Variants in LRP1B observed in about 807,000 individuals in gnomAD.
LRP1B encodes the protein low-density lipoprotein receptor-related protein 1B.
Under a neutral mutation model 556.6 loss-of-function variants are expected in LRP1B, and 217 were observed. The observed-to-expected ratio is 0.39, with a 90% CI of 0.35 to 0.44. LRP1B has a LOEUF of 0.44. Ranked by LOEUF, LRP1B falls within the 20% of genes least tolerant of loss-of-function variation. LRP1B has a pLI of 1.00. For synonymous variants in LRP1B, 2,047 were observed against 1,865.8 expected, an observed-to-expected ratio of 1.10 and a Z score of -2.50; for missense variants, 5,053 against 5,620.8, an observed-to-expected ratio of 0.90 and a Z score of 3.23.
Position 141,229,195 on chromosome 2 carries a change from G to T in LRP1B, c.838C>A (p.Gln280Lys), listed in dbSNP as rs1244489690. The change falls in exon 6 of 91, where the codon CAA becomes AAA. Residue 280 changes from glutamine (Q) to lysine (K), a missense_variant. By Grantham distance (53) the Gln-to-Lys change is moderately conservative. This residue lies in a region of LRP1B where 3,619 missense variants were observed against 3,931.9 expected (regional missense o/e 0.92). Transcript: ENST00000389484. ...TTGAAACACTTACTGTGGAAGGATT[G>T]AAGAATATTGATTGTCCATTCATCT... ...LTDEWTINILQSFHNVQQMAI... is the reference protein window; with the variant it reads ...LTDEWTINILKSFHNVQQMAI... The T allele has an allele frequency of 6.2e-7, 1 of 1,612,986 alleles. No homozygotes were observed.
intron 3 of LRP1B, among the ~76,000 whole-genome samples, chr2:141,326,222 A>T (rs190938782): frequency 2.0e-5 from 3 of 152,258 alleles, no homozygotes; most frequent in Admixed American, 6.5e-5. Flanking sequence ...TATGATACAG[A>T]TAAGTTAATT....
intron 20 of LRP1B, among the ~76,000 whole-genome samples, chr2:140,931,921 T>C (rs1199565108): frequency 1.3e-5 from 2 of 152,160 alleles, no homozygotes. Flanking sequence ...TTAACAGATA[T>C]GTTAGTTATC....
At chr2:140,401,995 G>T (rs1188958821) in intron 66 of LRP1B, among the ~76,000 whole-genome samples, 1 of 152,166 alleles carries the variant, frequency 6.6e-6, no homozygotes, top group African/African-American at 2.4e-5. Flanking sequence ...ATCACAGCTT[G>T]TGCTGGTACC....
chr2:140,880,450 T>A (rs1160443756), intron 25 of LRP1B, among the ~76,000 whole-genome samples: 1 of 152,128 alleles, frequency 6.6e-6, no homozygotes, highest in Non-Finnish European at 1.5e-5. Flanking sequence ...ATTTACCATC[T>A]TGGAATAGTT....
intron 35 of LRP1B, among the ~76,000 whole-genome samples, chr2:140,740,381 G>A (rs181870086): frequency 6.1e-4 from 93 of 152,246 alleles, no homozygotes; most frequent in African/African-American, 2.2e-3. Context: ...GATGAGATTG[G>A]AGACTATTAT....
intron 59 of LRP1B, among the ~76,000 whole-genome samples, chr2:140,482,325 T>C (rs1688279345): frequency 6.6e-6 from 1 of 152,168 alleles, no homozygotes; most frequent in South Asian, 2.1e-4. Context: ...ACTTTAATGT[T>C]TATCATAATG....
intron 2 of LRP1B, among the ~76,000 whole-genome samples, chr2:141,538,967 T>C (rs1424291006): frequency 1.3e-5 from 2 of 152,192 alleles, no homozygotes; most frequent in Non-Finnish European, 2.9e-5. Context: ...GGACAATTGC[T>C]CTGGAAATAA....
intron 75 of LRP1B, 45 bp downstream of exon 75, chr2:140,356,297 T>A (rs1558825358): frequency 6.3e-7 from 1 of 1,598,362 alleles, no homozygotes; most frequent in Non-Finnish European, 8.6e-7. Context: ...GGAATCTTCA[T>A]AACCCAAAGA....
At chr2:140,459,788 A>G (rs1687243095) in intron 60 of LRP1B, among the ~76,000 whole-genome samples, 1 of 151,976 alleles carries the variant, frequency 6.6e-6, no homozygotes, top group Non-Finnish European at 1.5e-5. Flanking sequence ...AGGTGATTGG[A>G]TCATGGGGGC....
chr2:140,356,229 G>A (rs13017246), intron 75 of LRP1B, 113 bp downstream of exon 75: 400,517 of 1,092,146 alleles, frequency 0.37, 78,675 homozygotes, highest in Non-Finnish European at 0.41. Flanking sequence ...GTATCCCGTA[G>A]ATACACACCA....
intron 1 of LRP1B, among the ~76,000 whole-genome samples, chr2:142,048,569 TCA>T (rs1308322910): frequency 6.6e-6 from 1 of 152,096 alleles, no homozygotes; most frequent in East Asian, 1.9e-4. Context: ...AAATATTTTG[TCA>T]CAAAGATACA....
chr2:140,514,107 G>C (rs1035068030), intron 51 of LRP1B, among the ~76,000 whole-genome samples: 1 of 151,938 alleles, frequency 6.6e-6, no homozygotes, highest in Non-Finnish European at 1.5e-5. Context: ...GTTAAGTATA[G>C]ATACGTGACA....
At chr2:141,865,230 T>C (rs896258932) in intron 1 of LRP1B, among the ~76,000 whole-genome samples, 3 of 152,150 alleles carry the variant, frequency 2.0e-5, no homozygotes, top group African/African-American at 7.2e-5. Context: ...TTGTGACTAA[T>C]TATATTTAGA....
At chr2:141,152,676 C>T (rs1238643025) in intron 7 of LRP1B, among the ~76,000 whole-genome samples, 1 of 151,796 alleles carries the variant, frequency 6.6e-6, no homozygotes, top group African/African-American at 2.4e-5. Flanking sequence ...TATGGTATTA[C>T]ACATAATAAT....
intron 41 of LRP1B, among the ~76,000 whole-genome samples, chr2:140,607,302 T>C (rs1682903328): frequency 6.6e-6 from 1 of 152,066 alleles, no homozygotes; most frequent in Non-Finnish European, 1.5e-5. Flanking sequence ...TTTGAACCAA[T>C]ATATATTGAT....
At chr2:140,332,113 T>A (rs1680847244) in intron 79 of LRP1B, among the ~76,000 whole-genome samples, 1 of 152,088 alleles carries the variant, frequency 6.6e-6, no homozygotes, top group Admixed American at 6.6e-5. Context: ...CTGACTCCAA[T>A]GAAGAGCTTT....
chr2:140,955,083 G>A (rs561442180), intron 18 of LRP1B, among the ~76,000 whole-genome samples: 2 of 152,022 alleles, frequency 1.3e-5, no homozygotes, highest in South Asian at 4.1e-4. Flanking sequence ...ATAAGTCCTA[G>A]AGATCAAGAA....
intron 86 of LRP1B, among the ~76,000 whole-genome samples, chr2:140,265,996 G>A (rs1682185271): frequency 6.6e-6 from 1 of 151,884 alleles, no homozygotes; most frequent in Non-Finnish European, 1.5e-5. Context: ...CAAATCTGAG[G>A]AACATGACTG....
chr2:140,364,537 A>G (rs1682663975), intron 72 of LRP1B, 124 bp downstream of exon 72: 2 of 1,125,636 alleles, frequency 1.8e-6, no homozygotes, highest in Non-Finnish European at 2.5e-6. Flanking sequence ...ATCTGTGGTT[A>G]TACTTTATCT....
Sources: gnomAD v4.1 joint callset for allele counts (sites outside exome capture counted in the v4.1 genomes callset) on GRCh38, gnomAD v4.1.1 for gene constraint, gnomAD v4.1.1 regional missense constraint, MANE v1.5 for transcripts, NCBI Gene and HGNC (gene_info 2026-07-23, HGNC 2026-07-21) for gene names.